Variants in CDH20 observed in about 807,000 individuals in gnomAD.
The protein encoded by CDH20 is cadherin-20.
Under a neutral mutation model 74.2 loss-of-function variants are expected in CDH20, and 29 were observed. The ratio of observed to expected loss-of-function variants is 0.39; its 90% CI spans 0.29 to 0.53. The LOEUF is 0.53. Among genes scored for constraint, CDH20 ranks in the 20% least tolerant of loss-of-function variants. The pLI is 0.69. For missense variants in CDH20, 988 were observed against 1,048.3 expected (o/e 0.94, Z 0.79); for synonymous variants, 469 against 405.4 (o/e 1.16, Z -1.88).
chr18:61,462,354 G>A (rs962846107), intron 1 of CDH20, among the ~76,000 whole-genome samples: 1 of 152,048 alleles, frequency 6.6e-6, no homozygotes, highest in Non-Finnish European at 1.5e-5. Flanking sequence ...TCGGCCTTAG[G>A]TTCTCTGCCT....
At chr18:61,343,030 C>T (rs1487767459) in intron 1 of CDH20, among the ~76,000 whole-genome samples, 1 of 152,114 alleles carries the variant, frequency 6.6e-6, no homozygotes, top group Non-Finnish European at 1.5e-5. Context: ...GTCCACAGTG[C>T]CCCCAAAAGC....
intron 1 of CDH20, among the ~76,000 whole-genome samples, chr18:61,474,990 G>A (rs1399868245): frequency 1.3e-5 from 2 of 152,154 alleles, no homozygotes; most frequent in Admixed American, 6.5e-5. Context: ...AATGGTAGAG[G>A]GGGAGCCAGA....
At chr18:61,535,813 A>T (rs1912800523) in intron 7 of CDH20, among the ~76,000 whole-genome samples, 2 of 152,214 alleles carry the variant, frequency 1.3e-5, no homozygotes, top group African/African-American at 2.4e-5. Context: ...TACATCATTA[A>T]TTACATAGCT....
At chr18:61,396,136 G>A (rs1729409977) in intron 1 of CDH20, among the ~76,000 whole-genome samples, 1 of 151,866 alleles carries the variant, frequency 6.6e-6, no homozygotes, top group African/African-American at 2.4e-5. Context: ...CCATTGAGGG[G>A]ATTCAATTCA....
In CDH20 at chr18:61,550,292, A is replaced by G. The variant is rs991917610; in HGVS notation, c.1900+63A>G. 4.5e-6 allele frequency: 7 copies of G among 1,560,408 alleles called. No individual in the cohort carries two copies. The Admixed American group carries it at 8.7e-5, about 19-fold the overall frequency. On this transcript the variant is annotated intron_variant, in intron 11 of 11. Transcript: ENST00000262717. Reference sequence around the variant, plus strand: ...CCAGTGCGCACTCAGACATTTGTTCATTACCTTCCTGACACAGCTATTCAG... The same window carrying G: ...CCAGTGCGCACTCAGACATTTGTTCGTTACCTTCCTGACACAGCTATTCAG...
intron 1 of CDH20, among the ~76,000 whole-genome samples, chr18:61,375,247 T>C (rs1354948022): frequency 1.3e-5 from 2 of 152,148 alleles, no homozygotes; most frequent in Admixed American, 6.5e-5. Flanking sequence ...TGGTTACTGA[T>C]AGTTCATAAT....
intron 6 of CDH20, among the ~76,000 whole-genome samples, chr18:61,514,531 C>T (rs1201992487): frequency 6.6e-5 from 10 of 151,932 alleles, no homozygotes; most frequent in South Asian, 6.3e-4. Context: ...AGCTTTGTTC[C>T]GTTGCTGGTG....
intron 6 of CDH20, among the ~76,000 whole-genome samples, chr18:61,515,310 C>G (rs568907588): frequency 6.6e-6 from 1 of 152,298 alleles, no homozygotes; most frequent in East Asian, 1.9e-4. Context: ...AGGGAACTCC[C>G]TGACCCCTTG....
intron 1 of CDH20, among the ~76,000 whole-genome samples, chr18:61,396,287 C>G (rs571667288): frequency 6.6e-6 from 1 of 152,194 alleles, no homozygotes; most frequent in South Asian, 2.1e-4. Context: ...AAGTTAGAAG[C>G]CATAAAAATC....
intron 6 of CDH20, among the ~76,000 whole-genome samples, chr18:61,521,616 AC>A (rs1272415401): frequency 6.6e-6 from 1 of 151,412 alleles, no homozygotes; most frequent in Non-Finnish European, 1.5e-5. Flanking sequence ...CAGAGACACA[AC>A]AAAAAAAGAA....
intron 10 of CDH20, among the ~76,000 whole-genome samples, chr18:61,549,594 G>A (rs917230983): frequency 1.3e-5 from 2 of 152,182 alleles, no homozygotes; most frequent in African/African-American, 4.8e-5. Flanking sequence ...CTGGGGCCTT[G>A]GCAAGCTGCT....
rs570276149 is a variant in CDH20, at chr18:61,350,982, G to T, written c.-153+17155G>T. Reference sequence around the variant, plus strand: ...CAGGAAGAGGAAATGTGACACATTAGCGTCTTCCAGTCTCTGATACAGCTC... The same window carrying T: ...CAGGAAGAGGAAATGTGACACATTATCGTCTTCCAGTCTCTGATACAGCTC... On this transcript the variant is annotated intron_variant, in intron 1 of 11. Coordinates refer to ENST00000262717, the MANE Select transcript of CDH20 (RefSeq NM_031891.4). Among the ~76,000 whole-genome samples the T allele has an allele frequency of 3.3e-4, 51 of 152,292 alleles. 2 individuals carry two copies. Among genetic ancestry groups the T allele is most frequent in the African/African-American group, 1.2e-3 (48 of 41,554 alleles).
At chr18:61,335,746 G>A (rs1017874070) in intron 1 of CDH20, among the ~76,000 whole-genome samples, 22 of 152,358 alleles carry the variant, frequency 1.4e-4, no homozygotes, top group African/African-American at 5.0e-4. Context: ...GGAAAGGACA[G>A]TCTATAAAAT....
intron 1 of CDH20, among the ~76,000 whole-genome samples, chr18:61,484,737 CCACACACACACA>C (rs36203080): frequency 0.21 from 30,074 of 146,078 alleles, 3,131 homozygotes; most frequent in Middle Eastern, 0.3. Context: ...TTGCTCTACT[CCACACACACACA>C]CACACACACA....
Position 61,545,091 on chromosome 18 carries a change from G to A in CDH20, c.1595G>A (p.Ser532Asn). 1 of 1,613,990 alleles carries A rather than the reference G, an allele frequency of 6.2e-7. No individual in the cohort carries two copies. Among genetic ancestry groups the A allele is most frequent in the Non-Finnish European group, 8.5e-7 (1 of 1,179,948 alleles). The stretch of plus-strand genomic sequence containing the variant: ...CGCAATGGTCAGCATTTCTACTACA[G>A]CTTGGCTCCTGAGGCTGCTAACAAC... The part of the protein sequence containing the change: ...DPRNGQHFYY[S>N]LAPEAANNPN... The change falls in exon 10 of 12, where the codon AGC (serine) becomes AAC (asparagine). Residue 532 changes from serine to asparagine, a missense_variant. Transcript: ENST00000262717.
Position 61,528,076 on chromosome 18 carries a change from T to G in CDH20, c.1127T>G (p.Val376Gly). 1 of 1,614,142 alleles carries G rather than the reference T, an allele frequency of 6.2e-7. No homozygotes were observed. Among genetic ancestry groups the G allele is most frequent in the Non-Finnish European group, 8.5e-7 (1 of 1,180,012 alleles). ...GGCCCATTTCAGGACACAACAACAGTGCACATCAGTGTGGAAGACGTGGAC... is the reference window on the plus strand; with the variant it reads ...GGCCCATTTCAGGACACAACAACAGGGCACATCAGTGTGGAAGACGTGGAC... ...NLGPFQDTTT[V>G]HISVEDVDEP... Residue 376 changes from valine (V) to glycine (G), a missense_variant, in exon 7 of 12, where the codon GTG becomes GGG. This residue lies in a region of CDH20 where 613 missense variants were observed against 755.2 expected (regional missense o/e 0.81). Transcript: ENST00000262717.
chr18:61,501,066 A>G (rs1024735170), intron 4 of CDH20, among the ~76,000 whole-genome samples: 7 of 152,192 alleles, frequency 4.6e-5, no homozygotes, highest in Non-Finnish European at 1.0e-4. Flanking sequence ...GTCCAAAATG[A>G]ATGGTTGCTG....
chr18:61,443,060 G>A (rs1163961597), intron 1 of CDH20, among the ~76,000 whole-genome samples: 1 of 152,202 alleles, frequency 6.6e-6, no homozygotes, highest in East Asian at 1.9e-4. Flanking sequence ...GATGGAAAGG[G>A]TGGGAGAGAA....
chr18:61,463,484 A>C (rs2144363024), intron 1 of CDH20, among the ~76,000 whole-genome samples: 1 of 152,178 alleles, frequency 6.6e-6, no homozygotes, highest in South Asian at 2.1e-4. Context: ...AAAGAGCCAG[A>C]CTCTAAATAG....
Sources: gnomAD v4.1 joint callset for allele counts (sites outside exome capture counted in the v4.1 genomes callset) on GRCh38, gnomAD v4.1.1 for gene constraint, gnomAD v4.1.1 regional missense constraint, MANE v1.5 for transcripts, NCBI Gene and HGNC (gene_info 2026-07-23, HGNC 2026-07-21) for gene names.